The following SPAG16 variants were observed in gnomAD, a reference collection of about 807,000 sequenced individuals.
The protein encoded by SPAG16 is sperm-associated antigen 16 protein.
Under a neutral mutation model 80.4 loss-of-function variants are expected in SPAG16, and 86 were observed. The ratio of observed to expected loss-of-function variants is 1.07; its 90% CI spans 0.90 to 1.28. The LOEUF is 1.28. Among genes scored for constraint, SPAG16 ranks in the 50% most tolerant of loss-of-function variants. SPAG16 has a pLI of 0.00. For missense variants in SPAG16, 870 were observed against 765.3 expected, an observed-to-expected ratio of 1.14 and a Z score of -1.61; for synonymous variants, 294 against 265.9, an observed-to-expected ratio of 1.11 and a Z score of -1.03.
rs1165853142 is a variant in SPAG16 at position 213,859,178 on chromosome 2, C to CAAAAAAAAAAAAAAAAA, written c.1071-3285_1071-3269dup. ...TGGGCAACAGAGCGACACTCCGTCTCAAAAAAAAAAAAAAAAAAAAAAAAA... is the reference window on the plus strand; with the variant it reads ...TGGGCAACAGAGCGACACTCCGTCTCAAAAAAAAAAAAAAAAAAAAAAAAAAAAAAAAAAAAAAAAAA... On this transcript the variant is annotated intron_variant, in intron 10 of 15. Coordinates refer to ENST00000331683, the MANE Select transcript of SPAG16 (RefSeq NM_024532.5). Among the ~76,000 whole-genome samples, 8 of 9,376 alleles carry CAAAAAAAAAAAAAAAAA rather than the reference C, an allele frequency of 8.5e-4. 4 individuals carry two copies. The highest frequency in any genetic ancestry group is 9.8e-4 in the African/African-American group (2 of 2,034). The allele number at this position is 9,376 out of a possible 152,430, so 6.2% of individuals were successfully genotyped here.
intron 12 of SPAG16, among the ~76,000 whole-genome samples, chr2:213,942,330 A>G (rs1253116696): frequency 6.6e-6 from 1 of 152,216 alleles, no homozygotes; most frequent in Non-Finnish European, 1.5e-5. Context: ...TTAACTTACT[A>G]CAATGTGAGA....
chr2:214,062,879 A>T (rs1451342054), intron 13 of SPAG16, among the ~76,000 whole-genome samples: 1 of 152,090 alleles, frequency 6.6e-6, no homozygotes, highest in Admixed American at 6.6e-5. Context: ...ATCTCCTATG[A>T]TTCTCCTAGC....
chr2:214,099,659 A>AG (rs2052855651), intron 13 of SPAG16, among the ~76,000 whole-genome samples: 1 of 152,140 alleles, frequency 6.6e-6, no homozygotes, highest in Non-Finnish European at 1.5e-5. Context: ...AACATGATTT[A>AG]TGGTAGTTGC....
At chr2:213,360,479 C>T (rs1411389019) in intron 7 of SPAG16, among the ~76,000 whole-genome samples, 2 of 152,216 alleles carry the variant, frequency 1.3e-5, no homozygotes, top group Non-Finnish European at 2.9e-5. Flanking sequence ...AACCTACTCT[C>T]CAAATTAGGG....
chr2:214,096,551 G>A (rs1279035252), intron 13 of SPAG16, among the ~76,000 whole-genome samples: 2 of 151,960 alleles, frequency 1.3e-5, no homozygotes, highest in Non-Finnish European at 2.9e-5. Flanking sequence ...TTATGCTACT[G>A]GGAGCGTTTT....
chr2:213,675,277 G>A (rs2064003467), intron 10 of SPAG16, among the ~76,000 whole-genome samples: 1 of 152,080 alleles, frequency 6.6e-6, no homozygotes, highest in Admixed American at 6.5e-5. Context: ...TGTAGATTCT[G>A]GATATTAGCC....
chr2:213,620,906 T>C (rs1049322413), intron 10 of SPAG16, among the ~76,000 whole-genome samples: 5 of 152,182 alleles, frequency 3.3e-5, no homozygotes, highest in Non-Finnish European at 5.9e-5. Flanking sequence ...GAGTTTTACA[T>C]TGAAATGTGT....
At position 213,496,139 on chromosome 2, in the gene SPAG16, G is replaced by A. The variant is rs576735390; in HGVS notation, c.1070+6049G>A. Among the ~76,000 whole-genome samples, 8 of 152,294 alleles carry A rather than the reference G, an allele frequency of 5.3e-5. No homozygotes were observed. The South Asian group carries it at 1.2e-3, about 24-fold the overall frequency. On this transcript the variant is annotated intron_variant, in intron 10 of 15. Coordinates refer to ENST00000331683, the MANE Select transcript of SPAG16 (RefSeq NM_024532.5). Reference sequence around the variant, plus strand: ...AGAATAGAAGCTGGTAGACTAGTTAGCAACTATTTCAGTAATCCAAGAAAA... The same window carrying A: ...AGAATAGAAGCTGGTAGACTAGTTAACAACTATTTCAGTAATCCAAGAAAA...
chr2:213,445,547 A>C (rs2071250579), intron 9 of SPAG16, among the ~76,000 whole-genome samples: 1 of 152,132 alleles, frequency 6.6e-6, no homozygotes, highest in Non-Finnish European at 1.5e-5. Context: ...CTGTAATCCC[A>C]GCTACTTTGG....
chr2:213,396,554 A>G, intron 9 of SPAG16: 1 of 435,108 alleles, frequency 2.3e-6, no homozygotes, highest in Non-Finnish European at 4.6e-6. Context: ...TCAGTGCGAG[A>G]ACAGCCCTCT....
intron 12 of SPAG16, among the ~76,000 whole-genome samples, chr2:213,960,654 C>G (rs1048391841): frequency 6.6e-6 from 1 of 152,178 alleles, no homozygotes; most frequent in African/African-American, 2.4e-5. Flanking sequence ...TGTTTTGACC[C>G]TGCACCTTTC....
intron 10 of SPAG16, among the ~76,000 whole-genome samples, chr2:213,709,837 T>TAC (rs1473127312): frequency 6.6e-5 from 10 of 152,236 alleles, no homozygotes; most frequent in Non-Finnish European, 1.3e-4. Flanking sequence ...TTTCTCAGAA[T>TAC]ACACAGGTTT....
At chr2:213,930,728 A>G (rs566618814) in intron 12 of SPAG16, among the ~76,000 whole-genome samples, 1 of 152,302 alleles carries the variant, frequency 6.6e-6, no homozygotes, top group African/African-American at 2.4e-5. Context: ...TTATGTTTCA[A>G]ATATTGAAAT....
intron 9 of SPAG16, among the ~76,000 whole-genome samples, chr2:213,406,795 C>T (rs544710472): frequency 6.6e-6 from 1 of 152,130 alleles, no homozygotes; most frequent in Non-Finnish European, 1.5e-5. Flanking sequence ...TGGGGTCTCT[C>T]CCGGGATTAC....
At chr2:213,667,529 T>C (rs1335157206) in intron 10 of SPAG16, among the ~76,000 whole-genome samples, 1 of 152,118 alleles carries the variant, frequency 6.6e-6, no homozygotes, top group Non-Finnish European at 1.5e-5. Flanking sequence ...GTAGGAAAAT[T>C]GTGTTTTAAG....
At chr2:214,053,289 C>T (rs1238086584) in intron 13 of SPAG16, among the ~76,000 whole-genome samples, 3 of 152,114 alleles carry the variant, frequency 2.0e-5, no homozygotes, top group South Asian at 2.1e-4. Flanking sequence ...TATATTAAAT[C>T]TTCTTAACTA....
intron 12 of SPAG16, among the ~76,000 whole-genome samples, chr2:213,944,961 C>A (rs982958658): frequency 3.3e-5 from 5 of 152,022 alleles, no homozygotes; most frequent in African/African-American, 4.8e-5. Context: ...TCGCTTGAAC[C>A]CAGGAGGTGG....
intron 5 of SPAG16, among the ~76,000 whole-genome samples, chr2:213,338,553 A>G (rs964270806): frequency 6.6e-6 from 1 of 152,220 alleles, no homozygotes; most frequent in African/African-American, 2.4e-5. Flanking sequence ...TTACAAAGAC[A>G]CATGCATGTG....
At chr2:214,100,216 C>A (rs1224106328) in intron 13 of SPAG16, among the ~76,000 whole-genome samples, 2 of 151,968 alleles carry the variant, frequency 1.3e-5, no homozygotes, top group African/African-American at 4.8e-5. Context: ...TTGTAAGTTT[C>A]CTGAGGCTTC....
Sources: allele counts gnomAD v4.1 joint callset (sites outside exome capture counted in the v4.1 genomes callset), GRCh38; gene constraint gnomAD v4.1.1; transcripts MANE v1.5; gene names NCBI Gene and HGNC (gene_info 2026-07-23, HGNC 2026-07-21).